Variants in SYNPO2 observed in about 807,000 individuals in gnomAD.
SYNPO2 encodes synaptopodin-2.
SYNPO2 carries 56 observed loss-of-function variants against 85.0 expected under a neutral mutation model. That is an observed-to-expected ratio of 0.66 (90% CI 0.53 to 0.82). SYNPO2 has a LOEUF of 0.82. Ranked by LOEUF, SYNPO2 falls within the 40% of genes least tolerant of loss-of-function variation. The pLI, the probability that SYNPO2 is intolerant of heterozygous loss-of-function variation, is 0.00. For synonymous variants in SYNPO2, 602 were observed against 591.1 expected, an observed-to-expected ratio of 1.02 and a Z score of -0.27; for missense variants, 1,575 against 1,534.2, an observed-to-expected ratio of 1.03 and a Z score of -0.44.
chr4:118,901,341 CACTA>C lies in SYNPO2; in HGVS notation c.105+12206_105+12209del, dbSNP rs1732749144. Among the ~76,000 whole-genome samples, 3 of 152,300 alleles carry C rather than the reference CACTA, an allele frequency of 2.0e-5. No homozygotes were observed. In the South Asian group the frequency reaches 6.2e-4, roughly 32 times the overall value. On this transcript the variant is annotated intron_variant, in intron 1 of 4. Coordinates refer to ENST00000307142, the MANE Select transcript of SYNPO2 (RefSeq NM_133477.3). ...CCTAATCCCAATTGCTTCACAGTAA[CACTA>C]ACTAAACTCACATCATAAGACACAA...
At chr4:118,927,030 G>T (rs1417036032) in intron 1 of SYNPO2, among the ~76,000 whole-genome samples, 1 of 152,098 alleles carries the variant, frequency 6.6e-6, no homozygotes, top group Non-Finnish European at 1.5e-5. Context: ...TTTCTTAGAG[G>T]CAAACTCAGG....
At chr4:118,995,279 C>G (rs567612080) in intron 1 of SYNPO2, among the ~76,000 whole-genome samples, 2 of 152,154 alleles carry the variant, frequency 1.3e-5, no homozygotes, top group African/African-American at 2.4e-5. Flanking sequence ...AGAGCTCTGA[C>G]CAGATACTAT....
intron 1 of SYNPO2, among the ~76,000 whole-genome samples, chr4:118,918,472 C>T (rs1473108587): frequency 6.6e-6 from 1 of 152,132 alleles, no homozygotes. Flanking sequence ...AGGGGTTTAT[C>T]ACTAGAAACA....
rs73842281 is a variant in SYNPO2 at position 118,875,623 on chromosome 4, T to C, written c.12+24683T>C. ...TTCCTGAAAAGGGAGTCCTTTGTAT[T>C]TGACTACACCTTAATAAGAGATGAA... On this transcript the variant is annotated intron_variant, in intron 1 of 4. Transcript: ENST00000610556. 4.3e-3 allele frequency among the ~76,000 whole-genome samples: 653 copies of C among 152,348 alleles called. 2 individuals carry two copies. Among genetic ancestry groups the C allele is most frequent in the African/African-American group, 0.015 (613 of 41,574 alleles).
chr4:118,876,340 T>C (rs997715447), intron 1 of SYNPO2, among the ~76,000 whole-genome samples: 1 of 152,226 alleles, frequency 6.6e-6, no homozygotes, highest in Non-Finnish European at 1.5e-5. Context: ...CAGCTATTTG[T>C]GTCTCAGCTC....
At chr4:118,948,738 G>A (rs1189702430) in intron 1 of SYNPO2, among the ~76,000 whole-genome samples, 1 of 152,178 alleles carries the variant, frequency 6.6e-6, no homozygotes, top group Non-Finnish European at 1.5e-5. Context: ...ACTGACTCAT[G>A]ACTGTGGGGA....
intron 3 of SYNPO2, among the ~76,000 whole-genome samples, chr4:119,028,460 A>G (rs762378932): frequency 3.3e-4 from 50 of 152,196 alleles, no homozygotes; most frequent in Non-Finnish European, 6.3e-4. Context: ...TCTGTAGGCC[A>G]TCTTCACATT....
chr4:118,974,869 C>T (rs929094440), intron 1 of SYNPO2, among the ~76,000 whole-genome samples: 3 of 152,156 alleles, frequency 2.0e-5, no homozygotes, highest in Non-Finnish European at 4.4e-5. Flanking sequence ...GCTCTCATCA[C>T]GTTGTTTTTG....
intron 1 of SYNPO2, among the ~76,000 whole-genome samples, chr4:119,011,874 T>C (rs1737314909): frequency 6.6e-6 from 1 of 151,662 alleles, no homozygotes. Context: ...CTTGATATAG[T>C]AGCTTGGCAA....
At chr4:118,921,989 A>G (rs1733554921) in intron 1 of SYNPO2, among the ~76,000 whole-genome samples, 1 of 152,220 alleles carries the variant, frequency 6.6e-6, no homozygotes, top group East Asian at 1.9e-4. Context: ...TTGTTTCACA[A>G]TTATCTTTTT....
chr4:118,888,416 A>G (rs1578520475), upstream of SYNPO2, among the ~76,000 whole-genome samples: 1 of 152,194 alleles, frequency 6.6e-6, no homozygotes, highest in African/African-American at 2.4e-5. Context: ...GAATGCAGAC[A>G]GAAAAGTAGT....
intron 1 of SYNPO2, among the ~76,000 whole-genome samples, chr4:119,000,100 TG>T (rs1256919206): frequency 2.6e-5 from 4 of 152,198 alleles, no homozygotes; most frequent in Non-Finnish European, 5.9e-5. Flanking sequence ...GGCACAATCA[TG>T]GTTCAATGTG....
Position 119,031,975 on chromosome 4 carries a change from T to C in SYNPO2, c.3200T>C (p.Phe1067Ser), listed in dbSNP as rs1430443693. The C allele has an allele frequency of 3.1e-6, 5 of 1,614,142 alleles. No homozygotes were observed. Among genetic ancestry groups the C allele is most frequent in the African/African-American group, 2.7e-5 (2 of 74,952 alleles). The change falls in exon 4 of 5, where the codon TTT becomes TCT. Residue 1067 changes from phenylalanine to serine, a missense_variant. By Grantham distance (155) the Phe-to-Ser change is radical. Coordinates refer to ENST00000307142, the MANE Select transcript of SYNPO2 (RefSeq NM_133477.3). ...CAAGAATCAGCCTCATCATCTTATT[T>C]TGTGGCACCAAGGCCAAAGTTCTCA... is the stretch of plus-strand genomic sequence containing the variant. The part of the protein sequence containing the change: ...PKQESASSSY[F>S]VAPRPKFSAK...
intron 3 of SYNPO2, among the ~76,000 whole-genome samples, chr4:119,028,227 T>G (rs868053964): frequency 3.4e-4 from 51 of 151,532 alleles, no homozygotes; most frequent in South Asian, 2.7e-3. Flanking sequence ...TGTTTGTTTT[T>G]TTTTTTTTTT....
intron 2 of SYNPO2, among the ~76,000 whole-genome samples, chr4:119,025,088 A>G (rs1737882746): frequency 6.6e-6 from 1 of 152,200 alleles, no homozygotes; most frequent in Non-Finnish European, 1.5e-5. Flanking sequence ...TCATGCTTTT[A>G]TGATATTTAC....
intron 1 of SYNPO2, among the ~76,000 whole-genome samples, chr4:118,957,314 T>G (rs1734915484): frequency 6.6e-6 from 1 of 152,202 alleles, no homozygotes. Flanking sequence ...AGAGGTAGAC[T>G]GGGTTCTGTC....
chr4:119,038,135 A>C, intron 4 of SYNPO2: 1 of 985,344 alleles, frequency 1.0e-6, no homozygotes, highest in Non-Finnish European at 1.2e-6. Flanking sequence ...ACAGTACCAC[A>C]TGGTTTCCAC....
At chr4:118,977,370 C>G (rs1735825258) in intron 1 of SYNPO2, among the ~76,000 whole-genome samples, 1 of 152,356 alleles carries the variant, frequency 6.6e-6, no homozygotes, top group South Asian at 2.1e-4. Flanking sequence ...CCCACGCCCA[C>G]CCGGAACTCC....
chr4:119,007,269 T>TAC (rs1679879502), intron 1 of SYNPO2, among the ~76,000 whole-genome samples: 1 of 96,164 alleles, frequency 1.0e-5, no homozygotes, highest in East Asian at 3.2e-4. Context: ...TATATATATA[T>TAC]ATATATGTAT....
Sources: allele counts gnomAD v4.1 joint callset (sites outside exome capture counted in the v4.1 genomes callset), GRCh38; gene constraint gnomAD v4.1.1; transcripts MANE v1.5; gene names NCBI Gene and HGNC (gene_info 2026-07-23, HGNC 2026-07-21).